The following MROH2B variants were observed in gnomAD, a reference collection of about 807,000 sequenced individuals.
MROH2B encodes the protein maestro heat like repeat family member 2B.
Under a neutral mutation model 208.6 loss-of-function variants are expected in MROH2B, and 177 were observed. The ratio of observed to expected loss-of-function variants is 0.85; its 90% CI spans 0.75 to 0.96. The LOEUF (loss-of-function observed/expected upper bound fraction) is 0.96, where lower values mean the gene tolerates loss of function less well. Among genes scored for constraint, MROH2B ranks in the 40% least tolerant of loss-of-function variants. MROH2B has a pLI of 0.00. For missense variants in MROH2B, 2,002 were observed against 1,878.7 expected (o/e 1.07, Z -1.21); for synonymous variants, 728 against 659.0 (o/e 1.10, Z -1.60).
intron 19 of MROH2B, among the ~76,000 whole-genome samples, chr5:41,040,912 G>A (rs1742927608): frequency 6.6e-6 from 1 of 152,038 alleles, no homozygotes; most frequent in Non-Finnish European, 1.5e-5. Flanking sequence ...TGATCTGCCT[G>A]CCTCAGCCTC....
At position 41,000,186 on chromosome 5, in the gene MROH2B, C is replaced by A. The variant is rs779006698; in HGVS notation, c.4482+34G>T. Reference sequence around the variant, plus strand: ...GCGATTTGTCTAGACCCTTGTCCTGCCTTTTTTGGAGGCGGCATCTATTGG... The same window carrying A: ...GCGATTTGTCTAGACCCTTGTCCTGACTTTTTTGGAGGCGGCATCTATTGG... On this transcript the variant is annotated intron_variant, in intron 39 of 41. Coordinates refer to ENST00000399564, the MANE Select transcript of MROH2B (RefSeq NM_173489.5). The A allele has an allele frequency of 5.6e-6, 9 of 1,611,910 alleles. No individual in the cohort carries two copies. The African/African-American group carries it at 8.0e-5, about 14-fold the overall frequency.
At chr5:41,024,986 A>G (rs1026744403) in intron 24 of MROH2B, among the ~76,000 whole-genome samples, 5 of 152,238 alleles carry the variant, frequency 3.3e-5, no homozygotes, top group African/African-American at 9.6e-5. Context: ...TTTGAAAGCA[A>G]TGAGAACAAA....
chr5:41,067,088 C>T lies in MROH2B; in HGVS notation c.201+20G>A, dbSNP rs1450275515. On this transcript the variant is annotated intron_variant, in intron 3 of 41. Transcript: ENST00000399564. ...TTGGGTCACATAAAGACCCTTTTCA[C>T]CATCATGAACCAAACTTACATTGTT... 2 of 1,459,692 alleles carry T rather than the reference C, an allele frequency of 1.4e-6. No individual in the cohort carries two copies. The highest frequency in any genetic ancestry group is 1.9e-6 in the Non-Finnish European group (2 of 1,064,516). 90.4% of individuals were successfully genotyped at this position (1,459,692 alleles called of 1,614,324 possible).
At chr5:41,004,318 AG>A (rs1257992462) in intron 37 of MROH2B, 27 bp downstream of exon 37, 1 of 1,604,192 alleles carries the variant, frequency 6.2e-7, no homozygotes, top group Non-Finnish European at 8.5e-7. Flanking sequence ...ACTTCTGGGG[AG>A]GGAAGTTCCT....
In MROH2B at chr5:41,018,384, C is replaced by G; in HGVS notation, c.2720G>C (p.Arg907Thr). 1 of 1,613,066 alleles carries G rather than the reference C, an allele frequency of 6.2e-7. No individual in the cohort carries two copies. Reference sequence around the variant, plus strand: ...CACTTTCGCAGTGATCTGGAAGGCTCTTTCTCTTTCCCACTCTTTTTGTGA... The same window carrying G: ...CACTTTCGCAGTGATCTGGAAGGCTGTTTCTCTTTCCCACTCTTTTTGTGA... ...LVSQKEWERE[R>T]AFQITAKVLT... Residue 907 changes from arginine (R) to threonine (T), a missense_variant, in exon 27 of 42, where the codon AGA (arginine) becomes ACA (threonine). Transcript: ENST00000399564.
At chr5:41,001,799 G>A (rs768556424) in intron 37 of MROH2B, among the ~76,000 whole-genome samples, 1 of 152,018 alleles carries the variant, frequency 6.6e-6, no homozygotes, top group Non-Finnish European at 1.5e-5. Context: ...TTGGAGTTAC[G>A]TTTCAGAGTT....
At chr5:41,048,668 A>G (rs325862) in intron 15 of MROH2B, among the ~76,000 whole-genome samples, 152,236 of 152,274 alleles carry the variant, frequency 1, 76,099 homozygotes, top group Middle Eastern at 1. Context: ...CCCTGAGGAT[A>G]AAGGTGAAAA....
rs551601303 is a variant in MROH2B, at chr5:41,039,440, C to A, written c.2061+8G>T. ...TACTGAGAATTTGAAGGAGATGATT[C>A]TTCTTACCTTACATCGATTCATGAA... On this transcript the variant is annotated splice_region_variant and intron_variant, in intron 20 of 41. Transcript: ENST00000399564. The A allele has an allele frequency of 1.4e-5, 21 of 1,524,778 alleles. No individual in the cohort carries two copies. The African/African-American group carries it at 2.9e-4, about 21-fold the overall frequency. 94.5% of individuals were successfully genotyped at this position (1,524,778 alleles called of 1,614,324 possible). A position where few individuals can be genotyped will look rare whatever the true frequency, so the allele number is the denominator to read the frequency against.
chr5:41,031,024 A>T (rs1425337888), intron 24 of MROH2B, among the ~76,000 whole-genome samples: 7 of 152,184 alleles, frequency 4.6e-5, no homozygotes, highest in Non-Finnish European at 8.8e-5. Flanking sequence ...AATCACATGC[A>T]GAGTAGAATC....
chr5:41,010,260 G>T (rs1741733510), intron 30 of MROH2B, among the ~76,000 whole-genome samples, 181 bp from the exon 31 acceptor site: 1 of 152,154 alleles, frequency 6.6e-6, no homozygotes, highest in African/African-American at 2.4e-5. Flanking sequence ...TTGGCTATTT[G>T]TTCCTAATTA....
chr5:41,032,968 T>C, intron 23 of MROH2B, 73 bp downstream of exon 23: 2 of 1,588,932 alleles, frequency 1.3e-6, no homozygotes, highest in Admixed American at 1.8e-5. Context: ...CTATTCACTT[T>C]TTAAAAAGAT....
chr5:41,048,440 C>T lies in MROH2B; in HGVS notation c.1568G>A (p.Gly523Glu). ...LLVISMPASL[G>E]ELRGAGAIGL... ...TATTGCACCAGCCCCACGTAACTCC[C>T]CTAAACTGGCAGGCATAGATATTAC... Residue 523 changes from glycine to glutamate, a missense_variant, in exon 16 of 42, where the codon GGG becomes GAG. Physicochemically the swap from Gly to Glu is moderately conservative, Grantham distance 98. Transcript: ENST00000399564. 1 of 1,613,008 alleles carries T rather than the reference C, an allele frequency of 6.2e-7. No homozygotes were observed. Among genetic ancestry groups the T allele is most frequent in the Non-Finnish European group, 8.5e-7 (1 of 1,179,482 alleles).
chr5:41,009,060 A>C (rs2111827429), intron 32 of MROH2B, among the ~76,000 whole-genome samples: 1 of 152,200 alleles, frequency 6.6e-6, no homozygotes, highest in East Asian at 1.9e-4. Flanking sequence ...TTATCTAGAA[A>C]TATAGATACA....
chr5:41,057,563 C>CTTTTTTTTTTGTTTTTTTTTTTTTT (rs1743499103), intron 7 of MROH2B, among the ~76,000 whole-genome samples: 1 of 73,252 alleles, frequency 1.4e-5, no homozygotes, highest in African/African-American at 5.1e-5. Flanking sequence ...AATATCCCTC[C>CTTTTTTTTTTGTTTTTTTTTTTTTT]TTTTTTTTTT....
intron 21 of MROH2B, among the ~76,000 whole-genome samples, chr5:41,037,768 A>G (rs1742811065): frequency 6.6e-6 from 1 of 152,212 alleles, no homozygotes; most frequent in Non-Finnish European, 1.5e-5. Flanking sequence ...TAATCACTTG[A>G]AAGTTTTAAG....
chr5:41,057,426 G>A, intron 7 of MROH2B, 66 bp from the exon 8 acceptor site: 1 of 1,211,076 alleles, frequency 8.3e-7, no homozygotes, highest in Non-Finnish European at 1.2e-6. Flanking sequence ...GGATGTGGAA[G>A]GCAAATAATT....
chr5:41,063,333 T>C (rs540566577), intron 5 of MROH2B, among the ~76,000 whole-genome samples: 11 of 152,142 alleles, frequency 7.2e-5, no homozygotes, highest in Non-Finnish European at 1.2e-4. Flanking sequence ...CAGACTGTCA[T>C]AGTTGACAGT....
At chr5:40,999,275 T>G (rs987818122) in intron 40 of MROH2B, among the ~76,000 whole-genome samples, 2 of 152,228 alleles carry the variant, frequency 1.3e-5, no homozygotes, top group Admixed American at 6.5e-5. Flanking sequence ...TTCCCACTTG[T>G]ATCATGTTGC....
At chr5:41,043,888 G>A (rs1743035638) in intron 18 of MROH2B, among the ~76,000 whole-genome samples, 1 of 152,056 alleles carries the variant, frequency 6.6e-6, no homozygotes, top group African/African-American at 2.4e-5. Context: ...GAGTTAGCTT[G>A]GGCTAGCTTG....
Sources: allele counts gnomAD v4.1 joint callset (sites outside exome capture counted in the v4.1 genomes callset), GRCh38; gene constraint gnomAD v4.1.1; transcripts MANE v1.5; gene names NCBI Gene and HGNC (gene_info 2026-07-23, HGNC 2026-07-21).